Variants in AP2B1 observed in about 807,000 individuals in gnomAD.
AP2B1 encodes the protein AP-2 complex subunit beta.
AP2B1 carries 23 observed loss-of-function variants against 102.0 expected under a neutral mutation model. The observed-to-expected ratio is 0.23, with a 90% CI of 0.16 to 0.32. AP2B1 has a LOEUF of 0.32. AP2B1 is among the 10% of genes least tolerant of loss of function. The pLI is 1.00. For missense variants in AP2B1, 541 were observed against 1,157.4 expected, an observed-to-expected ratio of 0.47 and a Z score of 7.73; for synonymous variants, 381 against 421.2, an observed-to-expected ratio of 0.90 and a Z score of 1.17.
At chr17:35,618,271 G>A (rs2074079997) in intron 5 of AP2B1, among the ~76,000 whole-genome samples, 1 of 152,136 alleles carries the variant, frequency 6.6e-6, no homozygotes, top group Non-Finnish European at 1.5e-5. Context: ...GTCATTTGAG[G>A]TCATTCTGTA....
At chr17:35,719,527 CAT>C (rs1360168628) in intron 21 of AP2B1, among the ~76,000 whole-genome samples, 1 of 152,224 alleles carries the variant, frequency 6.6e-6, no homozygotes, top group Non-Finnish European at 1.5e-5. Context: ...ACATAATACT[CAT>C]AACATTCTTC....
intron 13 of AP2B1, among the ~76,000 whole-genome samples, chr17:35,655,107 G>A (rs764001576): frequency 3.3e-5 from 5 of 151,926 alleles, no homozygotes; most frequent in Non-Finnish European, 7.4e-5. Flanking sequence ...GGATTATTCC[G>A]GTCTGATATA....
intron 18 of AP2B1, among the ~76,000 whole-genome samples, chr17:35,686,830 G>T (rs587762187): frequency 1.3e-5 from 2 of 152,284 alleles, no homozygotes; most frequent in East Asian, 3.9e-4. Context: ...GTCAGGCATG[G>T]TGGCAGGTGC....
chr17:35,671,699 G>A lies in AP2B1; in HGVS notation c.2032-55G>A, dbSNP rs193222293. The A allele has an allele frequency of 1.2e-3, 1,875 of 1,554,360 alleles. 10 individuals carry two copies. Among genetic ancestry groups the A allele is most frequent in the Middle Eastern group, 4.1e-3 (19 of 4,618 alleles). ...CTAAGATATATAGCAATATTTTAAGGACTGTTAATCTGTTCTTCCCAATCT... is the reference window on the plus strand; with the variant it reads ...CTAAGATATATAGCAATATTTTAAGAACTGTTAATCTGTTCTTCCCAATCT... On this transcript the variant is annotated intron_variant, in intron 15 of 21. Coordinates refer to ENST00000610402, the MANE Select transcript of AP2B1 (RefSeq NM_001030006.2).
At chr17:35,669,083 G>T (rs6505485) in intron 14 of AP2B1, among the ~76,000 whole-genome samples, 2 of 151,674 alleles carry the variant, frequency 1.3e-5, no homozygotes, top group Non-Finnish European at 2.9e-5. Context: ...CAGATGTGTA[G>T]TATCTTTTCT....
chr17:35,682,412 G>C (rs587727156), intron 17 of AP2B1, among the ~76,000 whole-genome samples: 2 of 141,486 alleles, frequency 1.4e-5, no homozygotes, highest in African/African-American at 5.3e-5. Flanking sequence ...GTGCGATCTC[G>C]GCTCACTACA....
At chr17:35,655,268 A>G (rs1314547697) in intron 13 of AP2B1, among the ~76,000 whole-genome samples, 4 of 152,176 alleles carry the variant, frequency 2.6e-5, no homozygotes, top group African/African-American at 4.8e-5. Context: ...ATACACTCAT[A>G]TAATCACTAC....
rs587601836 is a variant in AP2B1, at chr17:35,679,510, A to G, written c.2325-3185A>G. Among the ~76,000 whole-genome samples, 5 of 151,678 alleles carry G rather than the reference A, an allele frequency of 3.3e-5. No individual in the cohort carries two copies. The East Asian group carries it at 7.8e-4, about 24-fold the overall frequency. ...TGGTCAGTCTCTAAGACCTACTACT[A>G]CTGGTTTCCTCTGAACTCCTTGTGC... On this transcript the variant is annotated intron_variant, in intron 17 of 21. Coordinates refer to ENST00000610402, the MANE Select transcript of AP2B1 (RefSeq NM_001030006.2).
rs1423585319 is a variant in AP2B1, at chr17:35,679,570, C to G, written c.2325-3125C>G. ...GTATCACCAGAGCATCTCACCAGTT[C>G]TGTGGACTTTCTTTGACAGTAGTTT... On this transcript the variant is annotated intron_variant, in intron 17 of 21. Transcript: ENST00000610402. 1.2e-4 allele frequency among the ~76,000 whole-genome samples: 10 copies of G among 80,834 alleles called. No homozygotes were observed. In the East Asian group the frequency reaches 3.4e-3, roughly 28 times the overall value. The allele number at this position is 80,834 out of a possible 152,430, so 53.0% of individuals were successfully genotyped here.
At chr17:35,710,841 T>C (rs1179005198) in intron 20 of AP2B1, among the ~76,000 whole-genome samples, 2 of 152,154 alleles carry the variant, frequency 1.3e-5, no homozygotes, top group Non-Finnish European at 2.9e-5. Context: ...AAGGCCAAGA[T>C]GGCAGGATCT....
At chr17:35,603,915 TG>T (rs905761897) in intron 3 of AP2B1, among the ~76,000 whole-genome samples, 1 of 152,126 alleles carries the variant, frequency 6.6e-6, no homozygotes, top group African/African-American at 2.4e-5. Flanking sequence ...CTGCTGAAAC[TG>T]GGCACAGTCT....
intron 14 of AP2B1, among the ~76,000 whole-genome samples, chr17:35,669,970 A>G (rs2075551933): frequency 6.6e-6 from 1 of 152,326 alleles, no homozygotes; most frequent in Admixed American, 6.5e-5. Flanking sequence ...TGTGTTTTAC[A>G]TTGCCTATAT....
chr17:35,609,122 A>C (rs1481768390), intron 5 of AP2B1, among the ~76,000 whole-genome samples: 1 of 152,246 alleles, frequency 6.6e-6, no homozygotes, highest in Admixed American at 6.5e-5. Context: ...TGAAAGGTGC[A>C]TAACACTAAG....
intron 5 of AP2B1, among the ~76,000 whole-genome samples, chr17:35,613,530 T>TA (rs949227319): frequency 1.1e-4 from 17 of 152,290 alleles, no homozygotes; most frequent in Admixed American, 3.9e-4. Context: ...AATTTAGAAG[T>TA]AAAAAAATCT....
At position 35,724,417 on chromosome 17, in the gene AP2B1, A is replaced by G. The variant is rs2085485419; in HGVS notation, c.*718A>G. ...TTCTTGAATGATGTTTCAGTGTGCA[A>G]AAACTATAGAGCCTGTCAGCACCAA... On this transcript the variant is annotated 3_prime_UTR_variant, in exon 22 of 22. Transcript: ENST00000610402. 1 of 152,148 alleles carries G rather than the reference A, an allele frequency of 6.6e-6. No homozygotes were observed. Among genetic ancestry groups the G allele is most frequent in the African/African-American group, 2.4e-5 (1 of 41,436 alleles). 9.4% of individuals were successfully genotyped at this position (152,148 alleles called of 1,614,324 possible).
chr17:35,676,795 A>G (rs1232682874), intron 17 of AP2B1, among the ~76,000 whole-genome samples: 1 of 85,202 alleles, frequency 1.2e-5, no homozygotes, highest in East Asian at 3.8e-4. Flanking sequence ...TTGGTCATAT[A>G]TATCTTTCAC....
intron 14 of AP2B1, among the ~76,000 whole-genome samples, chr17:35,663,800 T>C (rs2075405873): frequency 2.0e-5 from 3 of 152,124 alleles, no homozygotes; most frequent in Admixed American, 2.0e-4. Context: ...GGTCCCTGAG[T>C]ATATGAGTTT....
Position 35,603,656 on chromosome 17 carries a change from CT to C in AP2B1, c.144-2047del, listed in dbSNP as rs1413224435. 4.6e-5 allele frequency among the ~76,000 whole-genome samples: 7 copies of C among 152,252 alleles called. No individual in the cohort carries two copies. In the South Asian group the frequency reaches 1.0e-3, roughly 23 times the overall value. ...TACAAAATGAGCCTGGATGGGGCAT[CT>C]TGTCATAAAGGAAAGTATGGAAAAT... On this transcript the variant is annotated intron_variant, in intron 3 of 21. Coordinates refer to ENST00000610402, the MANE Select transcript of AP2B1 (RefSeq NM_001030006.2).
At chr17:35,676,984 G>A (rs894882389) in intron 17 of AP2B1, among the ~76,000 whole-genome samples, 1 of 152,098 alleles carries the variant, frequency 6.6e-6, no homozygotes, top group African/African-American at 2.4e-5. Flanking sequence ...AACCAAAAGG[G>A]TGTTTTTGTT....
Sources: allele counts gnomAD v4.1 joint callset (sites outside exome capture counted in the v4.1 genomes callset), GRCh38; gene constraint gnomAD v4.1.1; transcripts MANE v1.5; gene names NCBI Gene and HGNC (gene_info 2026-07-23, HGNC 2026-07-21).